LYPLAL1: variants seen among roughly 807,000 people sequenced by gnomAD.
LYPLAL1 encodes lysophospholipase like 1.
A neutral mutation model predicts 19.7 loss-of-function variants in LYPLAL1; 23 were observed. The ratio of observed to expected loss-of-function variants is 1.17; its 90% CI spans 0.84 to 1.65. The LOEUF is 1.65. LYPLAL1 is among the 40% of genes most tolerant of loss of function. LYPLAL1 has a pLI of 0.00. For synonymous variants in LYPLAL1, 119 were observed against 96.3 expected (o/e 1.24, Z -1.38); for missense variants, 355 against 279.4 (o/e 1.27, Z -1.93).
At chr1:219,442,580 G>A in the LYPLAL1 span, 2 of 152,304 alleles carry the variant, frequency 1.3e-5, no homozygotes, top group Non-Finnish European at 2.9e-5. Flanking sequence ...ACCCCAGGAT[G>A]AAACAGCCCT....
At chr1:219,296,843 A>G in the LYPLAL1 span, among the ~76,000 whole-genome samples, 2 of 152,140 alleles carry the variant, frequency 1.3e-5, no homozygotes, top group Non-Finnish European at 2.9e-5. Context: ...GATAGTTTAT[A>G]ACTATTTTTT....
the LYPLAL1 span, among the ~76,000 whole-genome samples, chr1:219,366,290 A>C: frequency 2.0e-5 from 3 of 152,222 alleles, no homozygotes; most frequent in East Asian, 5.8e-4. Flanking sequence ...GTCTAACATT[A>C]AATGGAGCTG....
At chr1:219,338,127 G>A in the LYPLAL1 span, among the ~76,000 whole-genome samples, 1 of 152,048 alleles carries the variant, frequency 6.6e-6, no homozygotes, top group African/African-American at 2.4e-5. Flanking sequence ...AGTTTCAAGG[G>A]CAAGCATGCA....
chr1:219,370,317 C>G, the LYPLAL1 span, among the ~76,000 whole-genome samples: 2 of 152,166 alleles, frequency 1.3e-5, no homozygotes, highest in Admixed American at 6.5e-5. Context: ...GAATATTGAC[C>G]CTCTTCACCT....
the LYPLAL1 span, among the ~76,000 whole-genome samples, chr1:219,382,950 C>T: frequency 5.3e-4 from 81 of 151,504 alleles, no homozygotes; most frequent in Admixed American, 1.2e-3. Flanking sequence ...TTTTTCTGTC[C>T]GGATCAGTTA....
At chr1:219,221,914 C>T in the LYPLAL1 span, among the ~76,000 whole-genome samples, 1 of 152,138 alleles carries the variant, frequency 6.6e-6, no homozygotes, top group African/African-American at 2.4e-5. Flanking sequence ...CAATAGAGGG[C>T]TCAACACTCA....
At chr1:219,332,265 A>G in the LYPLAL1 span, among the ~76,000 whole-genome samples, 1 of 152,152 alleles carries the variant, frequency 6.6e-6, no homozygotes, top group Non-Finnish European at 1.5e-5. Flanking sequence ...TGAAGAGCCC[A>G]GCCAACAGCA....
At chr1:219,289,078 G>GTTTTTTTTT in the LYPLAL1 span, among the ~76,000 whole-genome samples, 460 of 114,466 alleles carry the variant, frequency 4.0e-3, 5 homozygotes, top group Non-Finnish European at 6.1e-3. Context: ...CTCTTGTTTT[G>GTTTTTTTTT]TTTTTTTTGT....
chr1:219,359,805 A>G, the LYPLAL1 span, among the ~76,000 whole-genome samples: 5 of 152,222 alleles, frequency 3.3e-5, no homozygotes, highest in Non-Finnish European at 5.9e-5. Flanking sequence ...TTTCTATGGC[A>G]TGGTAGTCAA....
At chr1:219,289,417 T>G in the LYPLAL1 span, among the ~76,000 whole-genome samples, 8 of 152,298 alleles carry the variant, frequency 5.3e-5, no homozygotes, top group South Asian at 1.5e-3. Flanking sequence ...GAGTTTTTAT[T>G]AGGTACTATG....
At chr1:219,428,965 G>A in the LYPLAL1 span, among the ~76,000 whole-genome samples, 5 of 152,162 alleles carry the variant, frequency 3.3e-5, no homozygotes, top group Admixed American at 6.5e-5. Flanking sequence ...GTGTGTGCAT[G>A]CACGTGTGTG....
At chr1:219,249,070 G>A in the LYPLAL1 span, among the ~76,000 whole-genome samples, 1 of 151,900 alleles carries the variant, frequency 6.6e-6, no homozygotes, top group Non-Finnish European at 1.5e-5. Flanking sequence ...TGAGAGAATG[G>A]TTGCATATTT....
chr1:219,374,363 G>A, the LYPLAL1 span, among the ~76,000 whole-genome samples: 1 of 151,906 alleles, frequency 6.6e-6, no homozygotes, highest in Non-Finnish European at 1.5e-5. Flanking sequence ...GACCCATCCT[G>A]GCAGCCCACA....
chr1:219,385,057 TGGTGGGGGA>T, the LYPLAL1 span, among the ~76,000 whole-genome samples: 1 of 152,182 alleles, frequency 6.6e-6, no homozygotes, highest in African/African-American at 2.4e-5. Context: ...CTGCAGGTGG[TGGTGGGGGA>T]GGTCAGTAAA....
chr1:219,378,674 C>T, the LYPLAL1 span, among the ~76,000 whole-genome samples: 1 of 151,868 alleles, frequency 6.6e-6, no homozygotes. Context: ...ATGATGAAGC[C>T]CACTGCTGCT....
chr1:219,416,132 A>C, the LYPLAL1 span, among the ~76,000 whole-genome samples: 1 of 152,240 alleles, frequency 6.6e-6, no homozygotes, highest in Non-Finnish European at 1.5e-5. Context: ...TACATTTGTC[A>C]CAACTAATGA....
chr1:219,402,163 T>C, the LYPLAL1 span, among the ~76,000 whole-genome samples: 1 of 152,190 alleles, frequency 6.6e-6, no homozygotes, highest in African/African-American at 2.4e-5. Context: ...TTTATTTAAC[T>C]TGTATTCTGT....
chr1:219,407,197 T>C, the LYPLAL1 span, among the ~76,000 whole-genome samples: 1 of 152,176 alleles, frequency 6.6e-6, no homozygotes, highest in Admixed American at 6.5e-5. Flanking sequence ...TATCTCTGGC[T>C]AGAGGGAGGC....
At chr1:219,205,351 G>A (rs1453436713) in intron 3 of LYPLAL1, among the ~76,000 whole-genome samples, 5 of 121,132 alleles carry the variant, frequency 4.1e-5, no homozygotes, top group South Asian at 2.8e-4. Context: ...GCGACAGAGC[G>A]AGACTCCGTC....
Sources: allele counts gnomAD v4.1 joint callset (sites outside exome capture counted in the v4.1 genomes callset), GRCh38; gene constraint gnomAD v4.1.1; transcripts MANE v1.5; gene names NCBI Gene and HGNC (gene_info 2026-07-23, HGNC 2026-07-21).